The following HS6ST2 variants were observed in gnomAD, a reference collection of about 807,000 sequenced individuals.
The protein encoded by HS6ST2 is heparan-sulfate 6-O-sulfotransferase 2.
HS6ST2 carries 17 observed loss-of-function variants against 33.0 expected under a neutral mutation model. The ratio of observed to expected loss-of-function variants is 0.52; its 90% CI spans 0.35 to 0.77. The LOEUF is 0.77. HS6ST2 is among the 30% of genes least tolerant of loss of function. The probability of loss-of-function intolerance (pLI) is 0.01; values close to 1 mark genes in which losing one functional copy is unlikely to be tolerated. For synonymous variants in HS6ST2, 248 were observed against 237.1 expected (o/e 1.05, Z -0.42); for missense variants, 519 against 551.7 (o/e 0.94, Z 0.59).
intron 3 of HS6ST2, among the ~76,000 whole-genome samples, chrX:132,704,923 C>A (rs1378533362): frequency 1.8e-5 from 2 of 112,058 alleles, no homozygotes; most frequent in Non-Finnish European, 3.8e-5. Flanking sequence ...AGCCAGACTA[C>A]GCTTTCAGTC....
At chrX:132,734,413 A>T (rs1462587636) in intron 2 of HS6ST2, among the ~76,000 whole-genome samples, 1 of 111,129 alleles carries the variant, frequency 9.0e-6, no homozygotes, top group Non-Finnish European at 1.9e-5. Context: ...CAGGAAAAAA[A>T]ATCACAGAAA....
intron 2 of HS6ST2, among the ~76,000 whole-genome samples, chrX:132,826,591 A>AGC (rs2065522961): frequency 9.1e-6 from 1 of 110,415 alleles, no homozygotes; most frequent in African/African-American, 3.3e-5. Context: ...CTTTAAAATT[A>AGC]TATATATGGC....
In HS6ST2 at chrX:132,957,095, G is replaced by T; in HGVS notation, c.660C>A (p.Asp220Glu). ...TCAGGTCATCGCCCTTGATGTCGAA[G>T]TCTACCTTGCGCAGGAGGTCGCCGC... ...FTRGDLLRKVDFDIKGDDLIV... is the reference protein window; with the variant it reads ...FTRGDLLRKVEFDIKGDDLIV... The change falls in exon 2 of 5, where the codon GAC (aspartate) becomes GAA (glutamate). Residue 220 changes from aspartate (D) to glutamate (E), a missense_variant. Asp to Glu is a conservative substitution (Grantham distance 45). Transcript: ENST00000370833. The T allele has an allele frequency of 8.3e-7, 1 of 1,211,796 alleles. No homozygotes were observed. Among genetic ancestry groups the T allele is most frequent in the Non-Finnish European group, 1.1e-6 (1 of 895,471 alleles).
rs966408836 is a variant in HS6ST2 at position 132,775,077 on chromosome X, C to T, written c.948-66583G>A. 4.5e-5 allele frequency among the ~76,000 whole-genome samples: 5 copies of T among 110,416 alleles called. No homozygotes were observed. The Middle Eastern group carries it at 0.018, about 405-fold the overall frequency. On this transcript the variant is annotated intron_variant, in intron 2 of 4. Transcript: ENST00000370833. ...AGTAGCCTGTTTTCCAAAACACTCT[C>T]ATCACAGCCAGGGGCATCCTGTCCA...
At chrX:132,800,085 C>T (rs2065220126) in intron 2 of HS6ST2, among the ~76,000 whole-genome samples, 1 of 111,932 alleles carries the variant, frequency 8.9e-6, no homozygotes, top group East Asian at 2.8e-4. Context: ...ACCCTCAGGC[C>T]ATGGACCGGG....
At chrX:132,934,865 C>G (rs1393198771) in intron 2 of HS6ST2, among the ~76,000 whole-genome samples, 2 of 110,642 alleles carry the variant, frequency 1.8e-5, no homozygotes, top group Non-Finnish European at 1.9e-5. Context: ...TATTTGCTGT[C>G]TACAAGAAAC....
chrX:132,857,214 G>A (rs769549300), intron 2 of HS6ST2, among the ~76,000 whole-genome samples: 22 of 112,244 alleles, frequency 2.0e-4, no homozygotes, highest in South Asian at 1.1e-3. Context: ...GGCCGGGCGC[G>A]GTGGCTCACG....
At chrX:132,735,582 A>G (rs140906228) in intron 2 of HS6ST2, among the ~76,000 whole-genome samples, 1,278 of 111,720 alleles carry the variant, frequency 0.011, 8 homozygotes, top group Non-Finnish European at 0.02. Flanking sequence ...GTGTGTGAGG[A>G]AAGTTCCTGG....
At chrX:132,866,197 A>T (rs1377521260) in intron 2 of HS6ST2, among the ~76,000 whole-genome samples, 11 of 111,446 alleles carry the variant, frequency 9.9e-5, no homozygotes, top group African/African-American at 2.6e-4. Context: ...TTTCTACATA[A>T]GGCTAGCCAG....
At chrX:132,660,733 T>C (rs1217920877) in intron 4 of HS6ST2, among the ~76,000 whole-genome samples, 1 of 111,916 alleles carries the variant, frequency 8.9e-6, no homozygotes, top group Non-Finnish European at 1.9e-5. Flanking sequence ...ATTGTATGTG[T>C]CTTTTTCCAG....
chrX:132,643,449 C>T (rs2063616634), intron 4 of HS6ST2, among the ~76,000 whole-genome samples: 1 of 111,767 alleles, frequency 8.9e-6, no homozygotes, highest in South Asian at 3.8e-4. Context: ...GTGAATGGAA[C>T]CAATGAGAGC....
At chrX:132,918,603 G>A (rs1254772659) in intron 2 of HS6ST2, among the ~76,000 whole-genome samples, 1 of 111,511 alleles carries the variant, frequency 9.0e-6, no homozygotes, top group Non-Finnish European at 1.9e-5. Flanking sequence ...AATTCAACTG[G>A]AGCCCATTTG....
At chrX:132,936,804 T>G (rs2066827783) in intron 2 of HS6ST2, among the ~76,000 whole-genome samples, 1 of 108,908 alleles carries the variant, frequency 9.2e-6, no homozygotes, top group South Asian at 4.0e-4. Context: ...CCCAGTGACA[T>G]GCAATTTACC....
intron 2 of HS6ST2, among the ~76,000 whole-genome samples, chrX:132,878,733 T>C (rs2066133468): frequency 9.0e-6 from 1 of 111,604 alleles, no homozygotes; most frequent in Non-Finnish European, 1.9e-5. Flanking sequence ...ATATAAATAA[T>C]CATAAACCTA....
At chrX:132,634,952 C>T (rs112763417) in intron 4 of HS6ST2, among the ~76,000 whole-genome samples, 23 of 111,490 alleles carry the variant, frequency 2.1e-4, no homozygotes, top group Non-Finnish European at 3.2e-4. Context: ...TCTTGGGAAA[C>T]CATCTCACAG....
intron 2 of HS6ST2, among the ~76,000 whole-genome samples, chrX:132,787,485 G>T (rs1373291298): frequency 1.0e-5 from 1 of 97,179 alleles, no homozygotes; most frequent in Non-Finnish European, 2.0e-5. Flanking sequence ...TAGAGATGGG[G>T]GTTTCACCAT....
chrX:132,810,140 T>A lies in HS6ST2; in HGVS notation c.948-101646A>T, dbSNP rs747167879. On this transcript the variant is annotated intron_variant, in intron 2 of 4. Coordinates refer to ENST00000370833, the MANE Select transcript of HS6ST2 (RefSeq NM_001394073.1). The stretch of plus-strand genomic sequence containing the variant: ...ATCACTTTAGGCTGGGCATGGTGGC[T>A]CACACCTGTAATCCCAGTGCTTTGA... Among the ~76,000 whole-genome samples, 3 of 111,948 alleles carry A rather than the reference T, an allele frequency of 2.7e-5. No homozygotes were observed. In the South Asian group the frequency reaches 1.2e-3, roughly 43 times the overall value.
At chrX:132,913,090 G>A (rs1448460405) in intron 2 of HS6ST2, among the ~76,000 whole-genome samples, 1 of 111,093 alleles carries the variant, frequency 9.0e-6, no homozygotes, top group African/African-American at 3.3e-5. Context: ...CTCGAGGGCT[G>A]GCCTCTCGAG....
chrX:132,900,271 A>G (rs1307982600), intron 2 of HS6ST2, among the ~76,000 whole-genome samples: 1 of 111,940 alleles, frequency 8.9e-6, no homozygotes, highest in African/African-American at 3.2e-5. Flanking sequence ...ATAAGAAATA[A>G]TAAAGTTCTT....
Sources: allele counts gnomAD v4.1 joint callset (sites outside exome capture counted in the v4.1 genomes callset), GRCh38; gene constraint gnomAD v4.1.1; transcripts MANE v1.5; gene names NCBI Gene and HGNC (gene_info 2026-07-23, HGNC 2026-07-21).